Variants in GNG7 observed in about 807,000 individuals in gnomAD.
The protein encoded by GNG7 is G protein subunit gamma 7, also known as guanine nucleotide-binding protein G(I)/G(S)/G(O) subunit gamma-7.
GNG7 carries 1 observed loss-of-function variant against 4.0 expected under a neutral mutation model. That is an observed-to-expected ratio of 0.25 (90% CI 0.09 to 1.18). The LOEUF (loss-of-function observed/expected upper bound fraction) is 1.18. GNG7 is among the 50% of genes most tolerant of loss of function. The pLI is 0.50. For synonymous variants in GNG7, 34 were observed against 36.9 expected, an observed-to-expected ratio of 0.92 and a Z score of 0.29; for missense variants, 86 against 91.9, an observed-to-expected ratio of 0.94 and a Z score of 0.26.
At chr19:2,576,725 T>G (rs1377544501) in intron 2 of GNG7, among the ~76,000 whole-genome samples, 1 of 151,010 alleles carries the variant, frequency 6.6e-6, no homozygotes, top group Admixed American at 6.6e-5. Context: ...TTTTAAAACT[T>G]TTTTTTACAG....
rs1982888584 is a variant in GNG7 at position 2,653,678 on chromosome 19, C to T, written c.-134-7398G>A. Among the ~76,000 whole-genome samples, 1 of 152,208 alleles carries T rather than the reference C, an allele frequency of 6.6e-6. No individual in the cohort carries two copies. Among genetic ancestry groups the T allele is most frequent in the Non-Finnish European group, 1.5e-5 (1 of 68,020 alleles). On this transcript the variant is annotated intron_variant, in intron 1 of 4. Transcript: ENST00000382159. The surrounding 1 kb of genome is among the most constrained non-coding windows in gnomAD (Gnocchi z 4.8). The stretch of plus-strand genomic sequence containing the variant: ...GCAGCGTCCCTGGCCTCCACCCACC[C>T]CATGCCAGGGGCATCCCCCATCTAG...
chr19:2,643,288 A>C, intron 2 of GNG7: 1 of 422,056 alleles, frequency 2.4e-6, no homozygotes. Context: ...CACCATGTGC[A>C]CCGGAAATGC....
chr19:2,597,326 G>A (rs1379988698), intron 2 of GNG7, among the ~76,000 whole-genome samples: 3 of 152,180 alleles, frequency 2.0e-5, no homozygotes, highest in Admixed American at 2.0e-4. Flanking sequence ...GCCAGTCACA[G>A]TGGCTCACGC....
At chr19:2,568,008 CAG>C (rs1006980405) in intron 2 of GNG7, among the ~76,000 whole-genome samples, 1 of 152,136 alleles carries the variant, frequency 6.6e-6, no homozygotes, top group African/African-American at 2.4e-5. Flanking sequence ...CACCCAAAAA[CAG>C]AGACACGGGC....
intron 3 of GNG7, among the ~76,000 whole-genome samples, chr19:2,529,369 C>T (rs1167766790): frequency 2.6e-5 from 4 of 152,196 alleles, no homozygotes; most frequent in African/African-American, 9.6e-5. Flanking sequence ...AAGCATGCGC[C>T]ACCACGCCCG....
chr19:2,636,732 A>T (rs1982318093), intron 2 of GNG7, among the ~76,000 whole-genome samples: 1 of 152,042 alleles, frequency 6.6e-6, no homozygotes, highest in South Asian at 2.1e-4. Context: ...GGGGCCAACC[A>T]TCTGGGTTTG....
intron 2 of GNG7, among the ~76,000 whole-genome samples, chr19:2,576,080 GACAC>G (rs1010933120): frequency 2.7e-5 from 2 of 74,722 alleles, no homozygotes; most frequent in South Asian, 3.0e-4. Context: ...CAGACATGCA[GACAC>G]ACACACAGAC....
chr19:2,540,123 C>T (rs918853746), intron 3 of GNG7, among the ~76,000 whole-genome samples: 3 of 132,748 alleles, frequency 2.3e-5, no homozygotes, highest in African/African-American at 8.4e-5. Flanking sequence ...TTCTTTTCTC[C>T]TTCCTTCCTT....
At chr19:2,658,351 A>G (rs1042658683) in intron 1 of GNG7, among the ~76,000 whole-genome samples, 3 of 152,048 alleles carry the variant, frequency 2.0e-5, no homozygotes, top group Non-Finnish European at 4.4e-5. Flanking sequence ...CCTCTTTGTT[A>G]TTTGTTTTTT....
At chr19:2,654,508 C>T (rs938899983) in intron 1 of GNG7, among the ~76,000 whole-genome samples, 1 of 132,100 alleles carries the variant, frequency 7.6e-6, no homozygotes, top group Non-Finnish European at 1.7e-5. Flanking sequence ...CCCTGGGGAA[C>T]AGAATCATCC....
At chr19:2,639,938 G>T (rs1335155164) in intron 2 of GNG7, among the ~76,000 whole-genome samples, 1 of 78,162 alleles carries the variant, frequency 1.3e-5, no homozygotes, top group African/African-American at 5.3e-5. Flanking sequence ...AGGAAGAAAG[G>T]AAGGAGGGAG....
chr19:2,576,687 C>T (rs1014913458), intron 2 of GNG7, among the ~76,000 whole-genome samples: 4 of 152,096 alleles, frequency 2.6e-5, no homozygotes, highest in African/African-American at 9.7e-5. Flanking sequence ...GCTGGGACTA[C>T]AGGTGCGTAC....
intron 2 of GNG7, among the ~76,000 whole-genome samples, chr19:2,603,349 G>A (rs1183564795): frequency 1.3e-5 from 2 of 152,264 alleles, no homozygotes; most frequent in Non-Finnish European, 2.9e-5. Flanking sequence ...ACAGGCGTGA[G>A]CCGCCGTGCC....
intron 2 of GNG7, among the ~76,000 whole-genome samples, chr19:2,624,540 A>AAAAAAAG (rs1202955034): frequency 4.6e-5 from 7 of 151,706 alleles, no homozygotes; most frequent in Non-Finnish European, 1.0e-4. Flanking sequence ...AAAAAAAAAA[A>AAAAAAAG]AAAAAAGAAA....
At chr19:2,572,718 C>T (rs945597016) in intron 2 of GNG7, among the ~76,000 whole-genome samples, 3 of 151,724 alleles carry the variant, frequency 2.0e-5, no homozygotes, top group Admixed American at 6.6e-5. Flanking sequence ...CTCAGCCTCC[C>T]GAGTAGCTGG....
chr19:2,653,889 C>G lies in GNG7; in HGVS notation c.-134-7609G>C, dbSNP rs920865502. Among the ~76,000 whole-genome samples the G allele has an allele frequency of 3.9e-5, 6 of 152,206 alleles. No individual in the cohort carries two copies. Among genetic ancestry groups the G allele is most frequent in the Non-Finnish European group, 8.8e-5 (6 of 68,026 alleles). On this transcript the variant is annotated intron_variant, in intron 1 of 4. Transcript: ENST00000382159. The surrounding 1 kb of genome is among the most constrained non-coding windows in gnomAD (Gnocchi z 4.8). ...TGTCCCTGGCCTCGCCCATGGCTAA[C>G]CTTGGCAGGCATCCCCAACAGAGGC...
chr19:2,690,918 A>G (rs1343332802), intron 1 of GNG7, among the ~76,000 whole-genome samples: 1 of 152,146 alleles, frequency 6.6e-6, no homozygotes, highest in African/African-American at 2.4e-5. Context: ...ATAGGATACC[A>G]CAATGGTGGA....
chr19:2,674,478 T>C (rs149833608), intron 1 of GNG7, among the ~76,000 whole-genome samples: 4,856 of 152,138 alleles, frequency 0.032, 263 homozygotes, highest in African/African-American at 0.11. Context: ...TTCCGTTGCC[T>C]AGGCTGGAGT....
chr19:2,650,231 T>G (rs1013323504), intron 1 of GNG7, among the ~76,000 whole-genome samples: 1 of 141,148 alleles, frequency 7.1e-6, no homozygotes, highest in African/African-American at 2.8e-5. Flanking sequence ...TCCCCCAGGC[T>G]GGAGTGCAGT....
Sources: gnomAD v4.1 joint callset for allele counts (sites outside exome capture counted in the v4.1 genomes callset) on GRCh38, gnomAD v4.1.1 for gene constraint, Gnocchi (gnomAD v3.1) non-coding constraint, MANE v1.5 for transcripts, NCBI Gene and HGNC (gene_info 2026-07-23, HGNC 2026-07-21) for gene names.